The following ERC2 variants were observed in gnomAD, a reference collection of about 807,000 sequenced individuals.
ERC2 encodes ERC protein 2.
ERC2 carries 42 observed loss-of-function variants against 114.8 expected under a neutral mutation model. The ratio of observed to expected loss-of-function variants is 0.37; its 90% CI spans 0.29 to 0.47. The LOEUF is 0.47. ERC2 is among the 20% of genes least tolerant of loss of function. The pLI is 0.99. For synonymous variants in ERC2, 454 were observed against 425.5 expected, an observed-to-expected ratio of 1.07 and a Z score of -0.82; for missense variants, 939 against 1,150.7, an observed-to-expected ratio of 0.82 and a Z score of 2.66.
intron 3 of ERC2, among the ~76,000 whole-genome samples, chr3:56,206,209 A>G (rs1167713874): frequency 6.6e-6 from 1 of 151,866 alleles, no homozygotes; most frequent in African/African-American, 2.4e-5. Flanking sequence ...ACATACACAC[A>G]CACACACACA....
intron 2 of ERC2, among the ~76,000 whole-genome samples, chr3:56,426,432 T>C (rs868855871): frequency 6.6e-6 from 1 of 152,254 alleles, no homozygotes; most frequent in Non-Finnish European, 1.5e-5. Context: ...TAGGAATATT[T>C]ATAATTTGTA....
intron 14 of ERC2, among the ~76,000 whole-genome samples, chr3:55,873,889 C>A (rs1363676397): frequency 6.6e-6 from 1 of 152,188 alleles, no homozygotes; most frequent in Admixed American, 6.5e-5. Context: ...TGTCATTCTG[C>A]ATTCTGATGT....
chr3:55,990,491 C>T (rs2070977183), intron 11 of ERC2, among the ~76,000 whole-genome samples: 2 of 152,042 alleles, frequency 1.3e-5, no homozygotes, highest in South Asian at 4.1e-4. Context: ...TGCAGTGGCT[C>T]ATAATTTACT....
intron 10 of ERC2, among the ~76,000 whole-genome samples, chr3:56,006,966 G>A (rs541455448): frequency 6.6e-6 from 1 of 152,006 alleles, no homozygotes; most frequent in Non-Finnish European, 1.5e-5. Context: ...TATTTTTCAA[G>A]TTTTTCTTAA....
intron 17 of ERC2, among the ~76,000 whole-genome samples, chr3:55,613,318 G>T (rs1337891042): frequency 6.6e-6 from 1 of 152,132 alleles, no homozygotes; most frequent in Non-Finnish European, 1.5e-5. Flanking sequence ...GGATGTAATT[G>T]TTAACCTTGC....
At chr3:55,631,044 G>A (rs1181882343) in intron 17 of ERC2, among the ~76,000 whole-genome samples, 2 of 151,684 alleles carry the variant, frequency 1.3e-5, no homozygotes, top group African/African-American at 4.8e-5. Flanking sequence ...AGAAAGAGAG[G>A]CTAATTAGTT....
intron 2 of ERC2, among the ~76,000 whole-genome samples, chr3:56,311,255 C>CTCTA (rs1314796268): frequency 2.2e-4 from 17 of 79,050 alleles, no homozygotes; most frequent in African/African-American, 5.7e-4. Flanking sequence ...CTCTCTCTCT[C>CTCTA]TATATATATA....
chr3:56,089,073 A>G (rs528505648), intron 6 of ERC2, among the ~76,000 whole-genome samples: 96 of 152,230 alleles, frequency 6.3e-4, no homozygotes, highest in Middle Eastern at 6.8e-3. Context: ...CATACACTCT[A>G]TGGTATGTGT....
In ERC2 at chr3:56,090,239, T is replaced by A. The variant is rs2077712183; in HGVS notation, c.1474-9255A>T. 2.0e-5 allele frequency among the ~76,000 whole-genome samples: 3 copies of A among 152,204 alleles called. No homozygotes were observed. The South Asian group carries it at 6.2e-4, about 32-fold the overall frequency. On this transcript the variant is annotated intron_variant, in intron 6 of 17. Transcript: ENST00000288221. Reference sequence around the variant, plus strand: ...AAAACTGGCTCTACGGATGAGGGTGTGCCCATCTCTTACCCTATGCTTGGT... The same window carrying A: ...AAAACTGGCTCTACGGATGAGGGTGAGCCCATCTCTTACCCTATGCTTGGT...
chr3:55,727,022 T>C (rs1421251604), intron 15 of ERC2, among the ~76,000 whole-genome samples: 1 of 152,240 alleles, frequency 6.6e-6, no homozygotes, highest in South Asian at 2.1e-4. Context: ...TGTGTATCAC[T>C]ACTTCAGCAC....
chr3:56,043,945 G>A (rs959041104), intron 7 of ERC2, among the ~76,000 whole-genome samples: 4 of 152,116 alleles, frequency 2.6e-5, no homozygotes, highest in African/African-American at 9.7e-5. Context: ...TCCACACACT[G>A]TCAATAAACA....
chr3:56,029,167 T>C (rs980208778), intron 7 of ERC2, among the ~76,000 whole-genome samples: 7 of 152,124 alleles, frequency 4.6e-5, no homozygotes, highest in Non-Finnish European at 8.8e-5. Context: ...TGCCATATTA[T>C]TCTTTTTAAA....
chr3:55,792,666 C>T (rs1206973347), intron 14 of ERC2, among the ~76,000 whole-genome samples: 1 of 152,206 alleles, frequency 6.6e-6, no homozygotes, highest in African/African-American at 2.4e-5. Flanking sequence ...TTAAGCACCT[C>T]AATGCAATCT....
chr3:55,876,944 A>C (rs2062877220), intron 14 of ERC2, among the ~76,000 whole-genome samples: 1 of 152,260 alleles, frequency 6.6e-6, no homozygotes, highest in Non-Finnish European at 1.5e-5. Context: ...TCCCCAGGCC[A>C]CTACAACCTC....
intron 2 of ERC2, among the ~76,000 whole-genome samples, chr3:56,397,218 A>T (rs972904667): frequency 2.6e-5 from 4 of 152,124 alleles, no homozygotes; most frequent in Admixed American, 6.6e-5. Context: ...GCACAGTGGC[A>T]TGCACCTGTA....
At position 55,699,491 on chromosome 3, in the gene ERC2, T is replaced by A; in HGVS notation, c.2734A>T (p.Met912Leu). 16 of 1,612,868 alleles carry A rather than the reference T, an allele frequency of 9.9e-6. No homozygotes were observed. The highest frequency in any genetic ancestry group is 1.3e-5 in the African/African-American group (1 of 74,966). ...KQQTQNRMKL[M>L]ADNYDDDHHH... ...TGGTCATCATCATAGTTGTCTGCCA[T>A]CAACTTCATTCTGTTCTGGGTCTGT... Residue 912 changes from methionine (M) to leucine (L), a missense_variant, in exon 16 of 18, where the codon ATG becomes TTG. This residue lies in a region of ERC2 where 328 missense variants were observed against 353.9 expected (regional missense o/e 0.93). Coordinates refer to ENST00000288221, the MANE Select transcript of ERC2 (RefSeq NM_015576.3).
intron 14 of ERC2, among the ~76,000 whole-genome samples, chr3:55,742,559 T>C (rs1246294375): frequency 6.6e-6 from 1 of 152,238 alleles, no homozygotes; most frequent in Non-Finnish European, 1.5e-5. Flanking sequence ...AGAGAAAGCC[T>C]ACATTATGTA....
chr3:56,216,606 CA>C (rs1384476718), intron 3 of ERC2, among the ~76,000 whole-genome samples: 4 of 152,140 alleles, frequency 2.6e-5, no homozygotes, highest in Non-Finnish European at 5.9e-5. Context: ...CTATTCCCAT[CA>C]ATAGAAAGAG....
chr3:56,023,975 G>A lies in ERC2; in HGVS notation c.1642-4944C>T, dbSNP rs187902179. On this transcript the variant is annotated intron_variant, in intron 7 of 17. Coordinates refer to ENST00000288221, the MANE Select transcript of ERC2 (RefSeq NM_015576.3). ...AGGACCTAAAACATACTTAGGCATC[G>A]TTACAGTTTCAAATATACCCAAATG... Among the ~76,000 whole-genome samples, 139 of 152,248 alleles carry A rather than the reference G, an allele frequency of 9.1e-4. 1 individual carries two copies. Among genetic ancestry groups the A allele is most frequent in the Non-Finnish European group, 1.7e-3 (116 of 68,016 alleles).
Sources: gnomAD v4.1 joint callset for allele counts (sites outside exome capture counted in the v4.1 genomes callset) on GRCh38, gnomAD v4.1.1 for gene constraint, gnomAD v4.1.1 regional missense constraint, MANE v1.5 for transcripts, NCBI Gene and HGNC (gene_info 2026-07-23, HGNC 2026-07-21) for gene names.